Variants in OXR1 observed in about 807,000 individuals in gnomAD.
The protein encoded by OXR1 is oxidation resistance protein 1.
In OXR1, 41 loss-of-function variants were observed where a neutral mutation model predicts 104.6. The observed-to-expected ratio is 0.39, with a 90% CI of 0.31 to 0.51. OXR1 has a LOEUF of 0.51. OXR1 is among the 20% of genes least tolerant of loss of function. The pLI is 0.77. For missense variants in OXR1, 955 were observed against 1,031.9 expected (o/e 0.93, Z 1.02); for synonymous variants, 348 against 348.4 (o/e 1.00, Z 0.01).
intron 1 of OXR1, among the ~76,000 whole-genome samples, chr8:106,353,118 G>A (rs1243370169): frequency 6.6e-6 from 1 of 152,134 alleles, no homozygotes; most frequent in Non-Finnish European, 1.5e-5. Flanking sequence ...AGGCAGAGGA[G>A]GGCAGATCAT....
chr8:106,270,944 G>T (rs984786509), intron 1 of OXR1, among the ~76,000 whole-genome samples: 2 of 152,146 alleles, frequency 1.3e-5, no homozygotes, highest in Non-Finnish European at 2.9e-5. Context: ...TCAGTAAAAG[G>T]CTAGGGGGCA....
intron 2 of OXR1, among the ~76,000 whole-genome samples, chr8:106,473,713 G>T (rs1416732375): frequency 6.6e-6 from 1 of 151,640 alleles, no homozygotes; most frequent in African/African-American, 2.4e-5. Context: ...TTTCTTAAGA[G>T]AGTTATTTTC....
chr8:106,366,542 G>T (rs1224421662), intron 2 of OXR1, among the ~76,000 whole-genome samples: 1 of 152,182 alleles, frequency 6.6e-6, no homozygotes, highest in Non-Finnish European at 1.5e-5. Flanking sequence ...TTCTGTAAGT[G>T]TATAAAATTA....
intron 3 of OXR1, among the ~76,000 whole-genome samples, chr8:106,521,625 G>A (rs968892742): frequency 1.3e-5 from 2 of 152,164 alleles, no homozygotes; most frequent in Admixed American, 1.3e-4. Flanking sequence ...CGATTCTCCT[G>A]CCTCAGCCTC....
At chr8:106,479,685 T>C (rs1030980086) in intron 2 of OXR1, among the ~76,000 whole-genome samples, 19 of 152,126 alleles carry the variant, frequency 1.2e-4, no homozygotes, top group Admixed American at 7.9e-4. Flanking sequence ...TGACATAGGA[T>C]TTACATAAAC....
chr8:106,749,683 G>A (rs1389882108), intron 16 of OXR1, among the ~76,000 whole-genome samples: 1 of 152,006 alleles, frequency 6.6e-6, no homozygotes, highest in Non-Finnish European at 1.5e-5. Context: ...CTAAACTCTG[G>A]CTCAATTCTG....
intron 3 of OXR1, among the ~76,000 whole-genome samples, chr8:106,678,133 T>A (rs536256580): frequency 6.6e-6 from 1 of 152,078 alleles, no homozygotes; most frequent in Non-Finnish European, 1.5e-5. Flanking sequence ...GGTTTTAGGA[T>A]AGTTTTTTAA....
intron 3 of OXR1, among the ~76,000 whole-genome samples, chr8:106,566,941 A>G (rs917115463): frequency 9.9e-5 from 15 of 152,126 alleles, no homozygotes; most frequent in African/African-American, 3.6e-4. Flanking sequence ...CAGGGAGAGG[A>G]ACATTACACA....
intron 14 of OXR1, among the ~76,000 whole-genome samples, chr8:106,741,033 G>A (rs1834877740): frequency 6.6e-6 from 1 of 152,084 alleles, no homozygotes; most frequent in African/African-American, 2.4e-5. Flanking sequence ...TGTTTTATGT[G>A]TCAGGAACTT....
chr8:106,480,656 A>G (rs1475257152), intron 2 of OXR1, among the ~76,000 whole-genome samples: 3 of 152,078 alleles, frequency 2.0e-5, no homozygotes, highest in South Asian at 2.1e-4. Context: ...ATTTTGTAGC[A>G]TAGCAAAATG....
intron 2 of OXR1, among the ~76,000 whole-genome samples, chr8:106,469,303 T>C (rs1227084425): frequency 6.6e-6 from 1 of 151,780 alleles, no homozygotes; most frequent in Non-Finnish European, 1.5e-5. Flanking sequence ...TTTGAATGCA[T>C]GAGAATGGTT....
intron 3 of OXR1, among the ~76,000 whole-genome samples, chr8:106,582,615 A>G (rs1178225449): frequency 6.6e-6 from 1 of 152,154 alleles, no homozygotes; most frequent in African/African-American, 2.4e-5. Flanking sequence ...TGAGTTTCTG[A>G]GCAAAGCTTA....
intron 3 of OXR1, among the ~76,000 whole-genome samples, chr8:106,663,798 C>T (rs1825999757): frequency 6.6e-6 from 1 of 152,184 alleles, no homozygotes; most frequent in Non-Finnish European, 1.5e-5. Context: ...CATTGAGAAG[C>T]CATCTCTCTC....
At chr8:106,614,607 C>G (rs3134142) in intron 3 of OXR1, among the ~76,000 whole-genome samples, 91,230 of 151,986 alleles carry the variant, frequency 0.6, 28,483 homozygotes, top group African/African-American at 0.79. Flanking sequence ...AGATTGATTT[C>G]GTTTTACAAA....
chr8:106,311,763 T>G (rs1047268147), intron 1 of OXR1, among the ~76,000 whole-genome samples: 3 of 152,198 alleles, frequency 2.0e-5, no homozygotes, highest in Non-Finnish European at 4.4e-5. Flanking sequence ...CTTTTCTGAT[T>G]TCTGTCAAGT....
intron 3 of OXR1, among the ~76,000 whole-genome samples, chr8:106,655,319 T>A (rs1586976868): frequency 6.6e-6 from 1 of 150,734 alleles, no homozygotes; most frequent in East Asian, 2.0e-4. Flanking sequence ...TTTTTTTTTT[T>A]AATGAGGCAA....
intron 3 of OXR1, among the ~76,000 whole-genome samples, chr8:106,519,358 A>G (rs1214481937): frequency 6.6e-6 from 1 of 152,232 alleles, no homozygotes; most frequent in African/African-American, 2.4e-5. Flanking sequence ...AGGACCTTCT[A>G]TATCCTAACC....
intron 1 of OXR1, among the ~76,000 whole-genome samples, chr8:106,316,536 A>T (rs1474812120): frequency 1.3e-5 from 2 of 152,194 alleles, no homozygotes; most frequent in African/African-American, 2.4e-5. Flanking sequence ...ACAAATGAAG[A>T]TAAATGAGCC....
At chr8:106,329,026 CTG>C (rs1030850056) in intron 1 of OXR1, among the ~76,000 whole-genome samples, 1 of 151,990 alleles carries the variant, frequency 6.6e-6, no homozygotes, top group Admixed American at 6.6e-5. Context: ...GTTGGAGTCT[CTG>C]TTGCCCAGGC....
Sources: allele counts gnomAD v4.1 joint callset (sites outside exome capture counted in the v4.1 genomes callset), GRCh38; gene constraint gnomAD v4.1.1; transcripts MANE v1.5; gene names NCBI Gene and HGNC (gene_info 2026-07-23, HGNC 2026-07-21).